Variants in SPAG16 observed in about 807,000 individuals in gnomAD.
SPAG16 encodes sperm-associated antigen 16 protein.
SPAG16 carries 86 observed loss-of-function variants against 80.4 expected under a neutral mutation model. The observed-to-expected ratio is 1.07, with a 90% confidence interval of 0.90 to 1.28. The LOEUF (loss-of-function observed/expected upper bound fraction) is 1.28, where lower values mean the gene tolerates loss of function less well. Ranked by LOEUF, SPAG16 falls within the 50% of genes most tolerant of loss-of-function variation. SPAG16 has a pLI of 0.00. For missense variants in SPAG16, 870 were observed against 765.3 expected (o/e 1.14, Z -1.61); for synonymous variants, 294 against 265.9 (o/e 1.11, Z -1.03).
intron 7 of SPAG16, among the ~76,000 whole-genome samples, chr2:213,351,252 A>C (rs772654690): frequency 6.6e-6 from 1 of 152,208 alleles, no homozygotes; most frequent in Non-Finnish European, 1.5e-5. Flanking sequence ...CTTGGGTTTA[A>C]ATGCCAGCTT....
intron 10 of SPAG16, among the ~76,000 whole-genome samples, chr2:213,505,819 T>G (rs1184329727): frequency 6.6e-6 from 1 of 152,132 alleles, no homozygotes; most frequent in Non-Finnish European, 1.5e-5. Flanking sequence ...CAGGATCATA[T>G]AAAGACTATT....
At chr2:213,863,980 T>C (rs1248856954) in intron 11 of SPAG16, among the ~76,000 whole-genome samples, 1 of 152,064 alleles carries the variant, frequency 6.6e-6, no homozygotes, top group Admixed American at 6.6e-5. Context: ...GAGACAAATA[T>C]AAGGGGAGAA....
intron 3 of SPAG16, among the ~76,000 whole-genome samples, chr2:213,307,802 A>G (rs2063014309): frequency 6.6e-6 from 1 of 152,064 alleles, no homozygotes; most frequent in South Asian, 2.1e-4. Flanking sequence ...AGTCCCACCA[A>G]CAGTGTAAAA....
intron 10 of SPAG16, among the ~76,000 whole-genome samples, chr2:213,759,841 C>T (rs1277304341): frequency 2.6e-5 from 4 of 152,058 alleles, no homozygotes; most frequent in African/African-American, 4.8e-5. Context: ...TCGAAACCAT[C>T]CTGGCCAACA....
chr2:213,718,322 A>G (rs980454551), intron 10 of SPAG16, among the ~76,000 whole-genome samples: 2 of 151,982 alleles, frequency 1.3e-5, no homozygotes, highest in Non-Finnish European at 2.9e-5. Context: ...AGGTGACAGC[A>G]TGCTGGCAGT....
At chr2:214,246,968 C>A (rs762832105) in intron 15 of SPAG16, among the ~76,000 whole-genome samples, 2 of 151,974 alleles carry the variant, frequency 1.3e-5, no homozygotes, top group Non-Finnish European at 2.9e-5. Flanking sequence ...CATGCTATAA[C>A]AATAATTTTG....
intron 13 of SPAG16, among the ~76,000 whole-genome samples, chr2:214,047,625 G>A (rs957375678): frequency 1.3e-5 from 2 of 152,050 alleles, no homozygotes; most frequent in Non-Finnish European, 2.9e-5. Flanking sequence ...CCAGGACATT[G>A]GTCTGGGCAA....
At chr2:213,409,750 G>A (rs1235604682) in intron 9 of SPAG16, among the ~76,000 whole-genome samples, 2 of 152,102 alleles carry the variant, frequency 1.3e-5, no homozygotes, top group African/African-American at 4.8e-5. Flanking sequence ...ATATAAAATG[G>A]TATTTGGCTT....
chr2:213,766,501 G>T (rs577486704), intron 10 of SPAG16, among the ~76,000 whole-genome samples: 1 of 152,218 alleles, frequency 6.6e-6, no homozygotes, highest in Non-Finnish European at 1.5e-5. Flanking sequence ...GTGTCAGGGA[G>T]CTGATGAAAG....
chr2:213,720,706 C>G (rs957480927), intron 10 of SPAG16, among the ~76,000 whole-genome samples: 1 of 149,636 alleles, frequency 6.7e-6, no homozygotes, highest in Non-Finnish European at 1.5e-5. Flanking sequence ...GGGATATATT[C>G]ACATCATGTA....
intron 10 of SPAG16, among the ~76,000 whole-genome samples, chr2:213,740,635 T>G (rs1259793113): frequency 6.6e-6 from 1 of 152,198 alleles, no homozygotes; most frequent in Non-Finnish European, 1.5e-5. Flanking sequence ...GCCACAGACT[T>G]CTACTAGTTA....
intron 15 of SPAG16, among the ~76,000 whole-genome samples, chr2:214,200,561 T>A (rs1415271510): frequency 6.6e-6 from 1 of 151,972 alleles, no homozygotes; most frequent in Non-Finnish European, 1.5e-5. Context: ...TTTCATAACG[T>A]TACAAAGAGG....
intron 9 of SPAG16, among the ~76,000 whole-genome samples, chr2:213,423,075 T>G (rs1030534629): frequency 6.6e-6 from 1 of 152,236 alleles, no homozygotes; most frequent in African/African-American, 2.4e-5. Flanking sequence ...GTGTAAGGGT[T>G]TGGCTACTGT....
chr2:213,743,611 GCTGTCAGTCAAACTGTCC>G (rs1314637761), intron 10 of SPAG16, among the ~76,000 whole-genome samples: 1 of 152,120 alleles, frequency 6.6e-6, no homozygotes, highest in Non-Finnish European at 1.5e-5. Flanking sequence ...TGAGCAGTCT[GCTGTCAGTCAAACTGTCC>G]CTCCTTTGTG....
intron 15 of SPAG16, among the ~76,000 whole-genome samples, chr2:214,392,988 T>C (rs892991536): frequency 6.6e-6 from 1 of 152,196 alleles, no homozygotes; most frequent in Non-Finnish European, 1.5e-5. Flanking sequence ...TTCATTATTA[T>C]CCAAGCAGCT....
chr2:213,722,839 T>C (rs769403089), intron 10 of SPAG16, among the ~76,000 whole-genome samples: 2 of 151,876 alleles, frequency 1.3e-5, no homozygotes, highest in African/African-American at 4.8e-5. Context: ...AAAAAATAGG[T>C]GCCCAGAATT....
chr2:213,431,737 T>C lies in SPAG16; in HGVS notation c.942+56618T>C, dbSNP rs563228068. Among the ~76,000 whole-genome samples, 217 of 152,196 alleles carry C rather than the reference T, an allele frequency of 1.4e-3. 1 individual carries two copies. The highest frequency in any genetic ancestry group is 4.9e-3 in the African/African-American group (204 of 41,574). Reference sequence around the variant, plus strand: ...GAAACACTGGACTTCAATGAAACTTTAGACCAAATGGACCTAACATACATT... The same window carrying C: ...GAAACACTGGACTTCAATGAAACTTCAGACCAAATGGACCTAACATACATT... On this transcript the variant is annotated intron_variant, in intron 9 of 15. Coordinates refer to ENST00000331683, the MANE Select transcript of SPAG16 (RefSeq NM_024532.5).
intron 15 of SPAG16, among the ~76,000 whole-genome samples, chr2:214,258,321 G>A (rs974936250): frequency 2.0e-5 from 3 of 151,862 alleles, no homozygotes; most frequent in African/African-American, 7.3e-5. Flanking sequence ...CCATTTATAG[G>A]TGAGAACAAA....
At chr2:214,138,935 A>C (rs183642567) in intron 14 of SPAG16, among the ~76,000 whole-genome samples, 1 of 152,258 alleles carries the variant, frequency 6.6e-6, no homozygotes, top group Admixed American at 6.5e-5. Context: ...AAAAAAAGTG[A>C]GATAGCAAAC....
Sources: allele counts gnomAD v4.1 joint callset (sites outside exome capture counted in the v4.1 genomes callset), GRCh38; gene constraint gnomAD v4.1.1; transcripts MANE v1.5; gene names NCBI Gene and HGNC (gene_info 2026-07-23, HGNC 2026-07-21).